The following PRELID2 variants were observed in gnomAD, a reference collection of about 807,000 sequenced individuals.
PRELID2 encodes the protein PRELI domain-containing protein 2.
In PRELID2, 25 loss-of-function variants were observed where a neutral mutation model predicts 28.4. The ratio of observed to expected loss-of-function variants is 0.88; its 90% confidence interval spans 0.64 to 1.23. The LOEUF (loss-of-function observed/expected upper bound fraction) is 1.23. Among genes scored for constraint, PRELID2 ranks in the 50% most tolerant of loss-of-function variants. The pLI is 0.00. For missense variants in PRELID2, 201 were observed against 214.4 expected, an observed-to-expected ratio of 0.94 and a Z score of 0.39; for synonymous variants, 76 against 71.6, an observed-to-expected ratio of 1.06 and a Z score of -0.31.
chr5:145,781,886 C>A (rs952318771), intron 5 of PRELID2, among the ~76,000 whole-genome samples: 1 of 151,636 alleles, frequency 6.6e-6, no homozygotes, highest in South Asian at 2.1e-4. Flanking sequence ...TAGGTTTATA[C>A]GAGGTACATG....
the PRELID2 span, among the ~76,000 whole-genome samples, chr5:145,440,173 C>A: frequency 4.6e-5 from 7 of 152,182 alleles, no homozygotes; most frequent in Admixed American, 1.3e-4. Context: ...GAGAAAAGAA[C>A]TCAAATAAGT....
chr5:145,811,452 T>TAA (rs1361866935), intron 4 of PRELID2, among the ~76,000 whole-genome samples: 1 of 152,190 alleles, frequency 6.6e-6, no homozygotes, highest in Non-Finnish European at 1.5e-5. Context: ...CATGCTCGGC[T>TAA]AATTATTTTA....
rs145594529 is a variant in PRELID2, at chr5:145,475,777, A to C, written n.71-2462T>G. ...GACAGAGTTCACATGCTATAATTAA[A>C]TTTAATAAATAGTCTCTATGATCTA... On this transcript the variant is annotated intron_variant and non_coding_transcript_variant, in intron 1 of 2. Transcript: ENST00000510259. 2.6e-3 allele frequency among the ~76,000 whole-genome samples: 395 copies of C among 152,330 alleles called. 1 individual carries two copies. The highest frequency in any genetic ancestry group is 9.0e-3 in the African/African-American group (376 of 41,584).
chr5:145,404,278 A>T, the PRELID2 span, among the ~76,000 whole-genome samples: 4 of 152,100 alleles, frequency 2.6e-5, no homozygotes, highest in Admixed American at 2.6e-4. Context: ...CTTTCCGCAC[A>T]CTCTGTGCAC....
the PRELID2 span, among the ~76,000 whole-genome samples, chr5:145,368,495 G>T: frequency 2.0e-5 from 3 of 151,824 alleles, no homozygotes; most frequent in Admixed American, 2.0e-4. Flanking sequence ...CAATGCCTTG[G>T]AAATGCCAAA....
At chr5:145,474,266 C>T (rs3844191) in intron 1 of PRELID2, among the ~76,000 whole-genome samples, 31,626 of 152,112 alleles carry the variant, frequency 0.21, 3,928 homozygotes, top group South Asian at 0.35. Context: ...TTAAAACATT[C>T]GTTACATGCA....
intron 1 of PRELID2, among the ~76,000 whole-genome samples, chr5:145,615,857 G>T (rs561156294): frequency 6.6e-6 from 1 of 152,248 alleles, no homozygotes; most frequent in South Asian, 2.1e-4. Context: ...CTTTAAAGAG[G>T]TTCTGATTTT....
the PRELID2 span, among the ~76,000 whole-genome samples, chr5:145,357,779 C>T: frequency 6.6e-6 from 1 of 152,118 alleles, no homozygotes; most frequent in Non-Finnish European, 1.5e-5. Context: ...AGAACCATTG[C>T]TGAGGACCTA....
chr5:145,654,174 A>T (rs1215974918), intron 1 of PRELID2, among the ~76,000 whole-genome samples: 1 of 152,202 alleles, frequency 6.6e-6, no homozygotes. Flanking sequence ...TCCTGGACAC[A>T]TACACCCTCC....
chr5:145,281,177 A>G, the PRELID2 span, among the ~76,000 whole-genome samples: 2 of 152,286 alleles, frequency 1.3e-5, no homozygotes, highest in East Asian at 1.9e-4. Flanking sequence ...TAGCAATCCA[A>G]TGATTAGTGG....
chr5:145,773,756 A>G (rs761599042), intron 5 of PRELID2, among the ~76,000 whole-genome samples: 1 of 152,250 alleles, frequency 6.6e-6, no homozygotes, highest in Non-Finnish European at 1.5e-5. Context: ...TTCACTATTC[A>G]TCAGACTTAA....
chr5:145,301,534 C>A, the PRELID2 span, among the ~76,000 whole-genome samples: 5 of 152,020 alleles, frequency 3.3e-5, no homozygotes. Context: ...GGTTTTTATT[C>A]TTTTATGGTC....
intron 1 of PRELID2, among the ~76,000 whole-genome samples, chr5:145,503,704 G>A: frequency 6.6e-6 from 1 of 152,138 alleles, no homozygotes; most frequent in East Asian, 1.9e-4. Context: ...AATCAAATTA[G>A]GAAATCATTA....
At chr5:145,368,344 A>ATTTTT in the PRELID2 span, among the ~76,000 whole-genome samples, 1 of 151,992 alleles carries the variant, frequency 6.6e-6, no homozygotes, top group African/African-American at 2.4e-5. Flanking sequence ...CAAAATGCCA[A>ATTTTT]TTTTTAGCTC....
intron 5 of PRELID2, among the ~76,000 whole-genome samples, chr5:145,765,591 C>G (rs1042972835): frequency 5.9e-5 from 9 of 152,044 alleles, no homozygotes; most frequent in Admixed American, 1.3e-4. Context: ...AGACCTGGCC[C>G]CCTTCCCTTA....
At chr5:145,620,842 C>A (rs62394222) in intron 1 of PRELID2, among the ~76,000 whole-genome samples, 21,604 of 151,664 alleles carry the variant, frequency 0.14, 2,283 homozygotes, top group African/African-American at 0.28. Flanking sequence ...CACACACACA[C>A]AAAATTAAAG....
chr5:145,699,910 G>A (rs1361790292), intron 1 of PRELID2, among the ~76,000 whole-genome samples: 2 of 152,176 alleles, frequency 1.3e-5, no homozygotes. Context: ...TGGTCCCAAA[G>A]GGGTCACTAA....
chr5:145,717,949 G>A (rs923075559), intron 1 of PRELID2, among the ~76,000 whole-genome samples: 1 of 151,734 alleles, frequency 6.6e-6, no homozygotes, highest in Non-Finnish European at 1.5e-5. Flanking sequence ...AATGGGTTTT[G>A]ACATTATACT....
the PRELID2 span, among the ~76,000 whole-genome samples, chr5:145,418,336 A>T: frequency 4.3e-4 from 65 of 152,218 alleles, no homozygotes; most frequent in African/African-American, 1.5e-3. Context: ...TAGCTTCAAT[A>T]CTATTTTCAT....
Sources: gnomAD v4.1 joint callset for allele counts (sites outside exome capture counted in the v4.1 genomes callset) on GRCh38, gnomAD v4.1.1 for gene constraint, MANE v1.5 for transcripts, NCBI Gene and HGNC (gene_info 2026-07-23, HGNC 2026-07-21) for gene names.